The following ACVR1 variants were observed in gnomAD, a reference collection of about 807,000 sequenced individuals.
The protein encoded by ACVR1 is activin A receptor type 1, also known as activin receptor type-1.
Under a neutral mutation model 57.1 loss-of-function variants are expected in ACVR1, and 38 were observed. The ratio of observed to expected loss-of-function variants is 0.67; its 90% CI spans 0.51 to 0.87. The LOEUF is 0.87. Ranked by LOEUF, ACVR1 falls within the 40% of genes least tolerant of loss-of-function variation. The pLI is 0.00. For missense variants in ACVR1, 463 were observed against 638.2 expected, an observed-to-expected ratio of 0.73 and a Z score of 2.96; for synonymous variants, 212 against 228.1, an observed-to-expected ratio of 0.93 and a Z score of 0.63.
chr2:157,770,855 G>A (rs1010076510), intron 6 of ACVR1, among the ~76,000 whole-genome samples: 3 of 152,092 alleles, frequency 2.0e-5, no homozygotes, highest in Non-Finnish European at 2.9e-5. Flanking sequence ...TAAAACACAT[G>A]AAAGTAAAAC....
At chr2:157,796,744 C>G (rs1379301215) in intron 3 of ACVR1, among the ~76,000 whole-genome samples, 2 of 151,704 alleles carry the variant, frequency 1.3e-5, no homozygotes, top group African/African-American at 4.8e-5. Flanking sequence ...AGAAATGTCT[C>G]CAGCAATTAT....
intron 2 of ACVR1, among the ~76,000 whole-genome samples, chr2:157,808,851 G>T (rs1483489649): frequency 2.1e-5 from 3 of 145,988 alleles, no homozygotes. Flanking sequence ...CCAAAGACTT[G>T]ACCAGAGGTA....
intron 6 of ACVR1, among the ~76,000 whole-genome samples, chr2:157,771,613 A>G (rs879744102): frequency 6.6e-6 from 1 of 152,220 alleles, no homozygotes; most frequent in Non-Finnish European, 1.5e-5. Flanking sequence ...CCACCTGCAT[A>G]TACAGGAATA....
chr2:157,838,113 T>C (rs1261808956), intron 1 of ACVR1: 1 of 152,272 alleles, frequency 6.6e-6, no homozygotes, highest in Non-Finnish European at 1.5e-5. Context: ...ACACACTCTT[T>C]AATCCAAACA....
At position 157,863,011 on chromosome 2, in the gene ACVR1, C is replaced by CTT. The variant is rs374223805; in HGVS notation, c.-183+12783_-183+12784dup. Among the ~76,000 whole-genome samples, 36 of 62,332 alleles carry CTT rather than the reference C, an allele frequency of 5.8e-4. 5 individuals carry two copies. Among genetic ancestry groups the CTT allele is most frequent in the African/African-American group, 2.6e-3 (35 of 13,710 alleles). The allele number at this position is 62,332 out of a possible 152,430, so 40.9% of individuals were successfully genotyped here. On this transcript the variant is annotated intron_variant, in intron 1 of 10. Transcript: ENST00000434821. Reference sequence around the variant, plus strand: ...CCTAACCGCTGCTGTAGAACATTTACTTTTTTTTTTTTTTTTTTTTTTTTT... The same window carrying CTT: ...CCTAACCGCTGCTGTAGAACATTTACTTTTTTTTTTTTTTTTTTTTTTTTTTT...
At chr2:157,814,166 C>A (rs1312556879) in intron 2 of ACVR1, among the ~76,000 whole-genome samples, 1 of 152,030 alleles carries the variant, frequency 6.6e-6, no homozygotes, top group Non-Finnish European at 1.5e-5. Flanking sequence ...TTTGTAATAA[C>A]CTGCACAACA....
intron 9 of ACVR1, among the ~76,000 whole-genome samples, chr2:157,759,323 C>T (rs1486303765): frequency 6.6e-6 from 1 of 151,798 alleles, no homozygotes; most frequent in Non-Finnish European, 1.5e-5. Context: ...GCTGATACCA[C>T]AAGAATACAA....
At position 157,851,893 on chromosome 2, in the gene ACVR1, AC is replaced by A; in HGVS notation, c.-183+23902del. Reference sequence around the variant, plus strand: ...CACACACACACACACACACACACACACACACACACACACACACCACCCCCAC... The same window carrying A: ...CACACACACACACACACACACACACAACACACACACACACACCACCCCCAC... On this transcript the variant is annotated intron_variant, in intron 1 of 10. Coordinates refer to ENST00000434821, the MANE Select transcript of ACVR1 (RefSeq NM_001111067.4). Among the ~76,000 whole-genome samples, 4 of 3,902 alleles carry A rather than the reference AC, an allele frequency of 1.0e-3. No homozygotes were observed. In the Admixed American group the frequency reaches 0.016, roughly 16 times the overall value. The allele number at this position is 3,902 out of a possible 152,430, so 2.6% of individuals were successfully genotyped here.
intron 9 of ACVR1, among the ~76,000 whole-genome samples, chr2:157,760,487 T>G (rs1050454008): frequency 2.6e-5 from 4 of 152,188 alleles, no homozygotes; most frequent in African/African-American, 9.7e-5. Context: ...AGATAAAAGT[T>G]CAGGGTGATG....
chr2:157,754,165 A>T (rs1685325886), intron 9 of ACVR1, among the ~76,000 whole-genome samples: 1 of 152,236 alleles, frequency 6.6e-6, no homozygotes, highest in East Asian at 1.9e-4. Flanking sequence ...CATCTGAAAG[A>T]GCACAAACAG....
Position 157,876,271 on chromosome 2 carries a change from TAGA to T in ACVR1, c.-661_-659del, listed in dbSNP as rs1690297737. Among the ~76,000 whole-genome samples the T allele has an allele frequency of 8.4e-6, 1 of 118,740 alleles. No individual in the cohort carries two copies. The highest frequency in any genetic ancestry group is 2.8e-4 in the South Asian group (1 of 3,522). 77.9% of individuals were successfully genotyped at this position (118,740 alleles called of 152,430 possible). On this transcript the variant is annotated 5_prime_UTR_variant, in exon 1 of 11. Transcript: ENST00000434821. ...CGGCGGGGGAGACCGTCACAGAGAG[TAGA>T]AAAGTTCCCCCTGCGCCGAGGGGGA...
At chr2:157,773,497 TTA>T (rs1215526294) in intron 6 of ACVR1, among the ~76,000 whole-genome samples, 1 of 152,218 alleles carries the variant, frequency 6.6e-6, no homozygotes, top group African/African-American at 2.4e-5. Context: ...CATGAAATGT[TTA>T]TGAGCTTAAA....
intron 3 of ACVR1, among the ~76,000 whole-genome samples, chr2:157,788,455 CTGAG>C (rs1403588333): frequency 6.6e-6 from 1 of 152,186 alleles, no homozygotes; most frequent in East Asian, 1.9e-4. Flanking sequence ...CTGCTAGTCA[CTGAG>C]CAGATGTCTT....
chr2:157,808,923 G>A (rs997224494), intron 2 of ACVR1, among the ~76,000 whole-genome samples: 5 of 148,362 alleles, frequency 3.4e-5, no homozygotes, highest in African/African-American at 9.9e-5. Context: ...TTCTGAATTA[G>A]ATGTTATCTT....
At chr2:157,767,889 C>T (rs16842023) in intron 7 of ACVR1, among the ~76,000 whole-genome samples, 8,673 of 152,168 alleles carry the variant, frequency 0.057, 612 homozygotes, top group African/African-American at 0.17. Flanking sequence ...GCAACCACAA[C>T]AGAGGCAGCT....
chr2:157,873,991 C>T (rs1690196599), intron 1 of ACVR1, among the ~76,000 whole-genome samples: 1 of 152,134 alleles, frequency 6.6e-6, no homozygotes, highest in Non-Finnish European at 1.5e-5. Flanking sequence ...CACTCTCTTC[C>T]AAGGTACAAA....
At chr2:157,803,603 T>C (rs1406899740) in intron 2 of ACVR1, among the ~76,000 whole-genome samples, 1 of 152,194 alleles carries the variant, frequency 6.6e-6, no homozygotes, top group Non-Finnish European at 1.5e-5. Context: ...AAAATTGCAT[T>C]TTTAAAAGTA....
At chr2:157,750,723 A>G (rs895627680) in intron 9 of ACVR1, among the ~76,000 whole-genome samples, 26 of 152,212 alleles carry the variant, frequency 1.7e-4, no homozygotes, top group African/African-American at 6.3e-4. Context: ...AAGGAACACA[A>G]TAAGTCTCCA....
At chr2:157,774,014 A>C (rs1686174541) in intron 6 of ACVR1, 74 bp downstream of exon 6, 17 of 1,331,258 alleles carry the variant, frequency 1.3e-5, no homozygotes, top group Non-Finnish European at 1.8e-5. Context: ...CAGATTTTCC[A>C]AGTTCCATCT....
Sources: gnomAD v4.1 joint callset for allele counts (sites outside exome capture counted in the v4.1 genomes callset) on GRCh38, gnomAD v4.1.1 for gene constraint, MANE v1.5 for transcripts, NCBI Gene and HGNC (gene_info 2026-07-23, HGNC 2026-07-21) for gene names.